Variants in SHANK2 observed in about 807,000 individuals in gnomAD.
SHANK2 encodes the protein SH3 and multiple ankyrin repeat domains protein 2.
A neutral mutation model predicts 133.7 loss-of-function variants in SHANK2; 43 were observed. That is an observed-to-expected ratio of 0.32 (90% CI 0.25 to 0.41). The LOEUF (loss-of-function observed/expected upper bound fraction) is 0.41. SHANK2 is among the 10% of genes least tolerant of loss of function. The probability of loss-of-function intolerance (pLI) is 1.00; values close to 1 mark genes in which losing one functional copy is unlikely to be tolerated. For missense variants in SHANK2, 1,994 were observed against 2,235.8 expected (o/e 0.89, Z 2.18); for synonymous variants, 1,017 against 952.8 (o/e 1.07, Z -1.24).
chr11:71,151,568 G>A (rs1272930536), intron 2 of SHANK2, among the ~76,000 whole-genome samples: 4 of 152,208 alleles, frequency 2.6e-5, no homozygotes, highest in Non-Finnish European at 4.4e-5. Flanking sequence ...GAGGGTGAAG[G>A]GAAAGAGCCC....
chr11:70,616,731 A>T (rs2060747379), intron 17 of SHANK2, among the ~76,000 whole-genome samples: 1 of 152,110 alleles, frequency 6.6e-6, no homozygotes, highest in Non-Finnish European at 1.5e-5. Context: ...GAGTGCCAGA[A>T]GGGAGTACTT....
chr11:71,086,041 TATA>T (rs1328123464), intron 8 of SHANK2, among the ~76,000 whole-genome samples: 5 of 92,268 alleles, frequency 5.4e-5, no homozygotes, highest in African/African-American at 2.3e-4. Context: ...ATATATATTA[TATA>T]ATATGTTATA....
chr11:71,162,461 A>C (rs1415006149), intron 2 of SHANK2, among the ~76,000 whole-genome samples: 1 of 152,246 alleles, frequency 6.6e-6, no homozygotes, highest in Non-Finnish European at 1.5e-5. Context: ...TCAAGCTTCC[A>C]ACACATGAAA....
In SHANK2 at chr11:71,210,241, TATATA is replaced by T. The variant is rs1565516736; in HGVS notation, c.-13+14451_-13+14455del. Among the ~76,000 whole-genome samples, 4 of 108,098 alleles carry T rather than the reference TATATA, an allele frequency of 3.7e-5. 1 individual carries two copies. The highest frequency in any genetic ancestry group is 2.9e-4 in the Admixed American group (3 of 10,474). The allele number at this position is 108,098 out of a possible 152,430, so 70.9% of individuals were successfully genotyped here. On this transcript the variant is annotated intron_variant, in intron 2 of 25. Transcript: ENST00000601538. ...ATATATATATATATATATATATATA[TATATA>T]TATATATTTATTTATTTTTTGAAAC...
chr11:70,490,966 C>T (rs1204139892), intron 22 of SHANK2, among the ~76,000 whole-genome samples: 2 of 152,224 alleles, frequency 1.3e-5, no homozygotes, highest in African/African-American at 4.8e-5. Flanking sequence ...CTCAGGGGCA[C>T]AGCCTGGAGT....
intron 2 of SHANK2, among the ~76,000 whole-genome samples, chr11:71,215,089 C>G (rs550540923): frequency 6.6e-6 from 1 of 152,234 alleles, no homozygotes; most frequent in Non-Finnish European, 1.5e-5. Flanking sequence ...ACAGCCCACA[C>G]GCTCACACCA....
intron 17 of SHANK2, chr11:70,634,120 A>G (rs1262986560): frequency 6.6e-6 from 1 of 152,116 alleles, no homozygotes; most frequent in Non-Finnish European, 1.5e-5. Context: ...CCACCGTGAA[A>G]AGACATTTCT....
At chr11:71,131,674 G>C (rs1952310077) in intron 3 of SHANK2, among the ~76,000 whole-genome samples, 1 of 152,214 alleles carries the variant, frequency 6.6e-6, no homozygotes, top group African/African-American at 2.4e-5. Context: ...TTCAGGCAGA[G>C]CCATTGTAAA....
chr11:70,764,644 C>T (rs1399044363), intron 14 of SHANK2, among the ~76,000 whole-genome samples: 3 of 151,180 alleles, frequency 2.0e-5, no homozygotes, highest in African/African-American at 7.3e-5. Context: ...CATCCATTCA[C>T]ATATCCACCC....
intron 2 of SHANK2, among the ~76,000 whole-genome samples, chr11:71,204,125 C>T (rs1265534622): frequency 6.6e-6 from 1 of 152,170 alleles, no homozygotes; most frequent in African/African-American, 2.4e-5. Context: ...GAGCCCTGAA[C>T]ACAGCTGTCC....
intron 17 of SHANK2, among the ~76,000 whole-genome samples, chr11:70,527,269 G>A (rs560970469): frequency 6.6e-5 from 10 of 152,304 alleles, no homozygotes; most frequent in Admixed American, 6.5e-4. Flanking sequence ...AAAGCCTCCT[G>A]GGGAGGGTGT....
intron 13 of SHANK2, among the ~76,000 whole-genome samples, chr11:70,805,650 G>A (rs782702342): frequency 6.6e-6 from 1 of 152,182 alleles, no homozygotes; most frequent in Non-Finnish European, 1.5e-5. Context: ...AACCTACAGT[G>A]TTGTAAAAAC....
At chr11:70,585,945 C>T (rs1263074303) in intron 17 of SHANK2, among the ~76,000 whole-genome samples, 2 of 151,992 alleles carry the variant, frequency 1.3e-5, no homozygotes, top group East Asian at 1.9e-4. Context: ...TTCCTCCATC[C>T]ATCCATCCAT....
At chr11:71,166,622 C>T (rs1284831983) in intron 2 of SHANK2, among the ~76,000 whole-genome samples, 45 of 151,858 alleles carry the variant, frequency 3.0e-4, no homozygotes, top group African/African-American at 1.0e-3. Context: ...GCTGGGATTA[C>T]AGGCTCCTGC....
rs782817480 is a variant in SHANK2 at position 70,487,536 on chromosome 11, C to T, written c.2757G>A (p.Thr919=). The T allele has an allele frequency of 8.1e-6, 13 of 1,613,500 alleles. No individual in the cohort carries two copies. The highest frequency in any genetic ancestry group is 3.3e-5 in the Admixed American group (2 of 59,920). The change falls in exon 25 of 26, where the codon ACG becomes ACA. Residue 919 remains threonine (T), a synonymous_variant. Transcript: ENST00000601538. The surrounding 1 kb of genome is among the most constrained non-coding windows in gnomAD (Gnocchi z 5.8). ...PKSPTPRVYG[T]IKPAFNQNSA... Reference sequence around the variant, plus strand: ...AATTCTGATTGAACGCAGGCTTAATCGTCCCGTAGACTCTTGGAGTTGGGG... The same window carrying T: ...AATTCTGATTGAACGCAGGCTTAATTGTCCCGTAGACTCTTGGAGTTGGGG...
intron 6 of SHANK2, among the ~76,000 whole-genome samples, chr11:71,108,335 C>A (rs1951832648): frequency 1.3e-5 from 2 of 152,166 alleles, no homozygotes; most frequent in African/African-American, 4.8e-5. Context: ...CGCCCTCCAT[C>A]GCACCACCAT....
At chr11:70,501,081 G>C (rs1034824601) in intron 20 of SHANK2, among the ~76,000 whole-genome samples, 1 of 148,674 alleles carries the variant, frequency 6.7e-6, no homozygotes, top group Non-Finnish European at 1.5e-5. Flanking sequence ...TCTGTGGAGA[G>C]GGCCTGGAGG....
intron 2 of SHANK2, among the ~76,000 whole-genome samples, chr11:71,206,567 T>C (rs963007693): frequency 5.9e-5 from 9 of 152,102 alleles, no homozygotes; most frequent in African/African-American, 1.9e-4. Context: ...ACAGCAAAAT[T>C]ACAGCGCTCA....
intron 17 of SHANK2, among the ~76,000 whole-genome samples, chr11:70,572,085 G>C (rs898254970): frequency 4.6e-5 from 7 of 152,202 alleles, no homozygotes; most frequent in Non-Finnish European, 8.8e-5. Flanking sequence ...TCCACACCAG[G>C]GACAGGCCCT....
Sources: gnomAD v4.1 joint callset for allele counts (sites outside exome capture counted in the v4.1 genomes callset) on GRCh38, gnomAD v4.1.1 for gene constraint, Gnocchi (gnomAD v3.1) non-coding constraint, MANE v1.5 for transcripts, NCBI Gene and HGNC (gene_info 2026-07-23, HGNC 2026-07-21) for gene names.